CFAP58: variants seen among roughly 807,000 people sequenced by gnomAD.
CFAP58 encodes the protein cilia and flagella associated protein 58.
In CFAP58, 88 loss-of-function variants were observed where a neutral mutation model predicts 119.5. The observed-to-expected ratio is 0.74, with a 90% CI of 0.62 to 0.88. The LOEUF (loss-of-function observed/expected upper bound fraction) is 0.88, where lower values mean the gene tolerates loss of function less well. CFAP58 is among the 40% of genes least tolerant of loss of function. The pLI is 0.00. For missense variants in CFAP58, 990 were observed against 1,021.2 expected (o/e 0.97, Z 0.42); for synonymous variants, 365 against 366.3 (o/e 1.00, Z 0.04).
chr10:104,404,749 A>G (rs1339762878), intron 14 of CFAP58, among the ~76,000 whole-genome samples: 1 of 152,160 alleles, frequency 6.6e-6, no homozygotes, highest in Non-Finnish European at 1.5e-5. Flanking sequence ...AGCTGGGACT[A>G]CAGGCGTCCA....
At chr10:104,362,486 G>T (rs2014683335) in intron 3 of CFAP58, among the ~76,000 whole-genome samples, 1 of 152,142 alleles carries the variant, frequency 6.6e-6, no homozygotes, top group Non-Finnish European at 1.5e-5. Context: ...TCTGCCCAGA[G>T]TCCCAGCTTC....
chr10:104,421,586 A>G (rs2012658989), intron 15 of CFAP58, among the ~76,000 whole-genome samples: 1 of 152,230 alleles, frequency 6.6e-6, no homozygotes, highest in Non-Finnish European at 1.5e-5. Flanking sequence ...GTCTCTTGGT[A>G]CAGAAAATTC....
At chr10:104,376,984 C>T in intron 8 of CFAP58, 91 bp downstream of exon 8, 2 of 942,244 alleles carry the variant, frequency 2.1e-6, no homozygotes, top group Non-Finnish European at 1.6e-6. Flanking sequence ...AAAGAAAACT[C>T]CGAGGCAAAC....
intron 11 of CFAP58, among the ~76,000 whole-genome samples, chr10:104,398,380 C>T (rs1265457102): frequency 6.6e-6 from 1 of 152,176 alleles, no homozygotes; most frequent in East Asian, 1.9e-4. Flanking sequence ...AGCTCCATGA[C>T]CTTGGGCAAG....
chr10:104,409,470 C>T (rs2012423648), intron 15 of CFAP58, among the ~76,000 whole-genome samples: 1 of 152,148 alleles, frequency 6.6e-6, no homozygotes, highest in Non-Finnish European at 1.5e-5. Flanking sequence ...TCTCTAAATG[C>T]TCTGGGTTCA....
intron 6 of CFAP58, among the ~76,000 whole-genome samples, 163 bp from the exon 7 acceptor site, chr10:104,370,732 A>G (rs1477078615): frequency 6.6e-6 from 1 of 152,202 alleles, no homozygotes; most frequent in African/African-American, 2.4e-5. Context: ...ACAGTTTTTC[A>G]ATTTCTCTCA....
chr10:104,392,532 G>C (rs529899201), intron 10 of CFAP58, 138 bp downstream of exon 10: 5 of 537,558 alleles, frequency 9.3e-6, no homozygotes, highest in Non-Finnish European at 1.5e-5. Context: ...ATCAATTTAC[G>C]CAAAACTGTC....
At chr10:104,422,311 A>AT (rs2012672694) in intron 15 of CFAP58, among the ~76,000 whole-genome samples, 1 of 152,210 alleles carries the variant, frequency 6.6e-6, no homozygotes, top group Non-Finnish European at 1.5e-5. Flanking sequence ...GCATAGACCC[A>AT]TCCATTCTTA....
intron 8 of CFAP58, among the ~76,000 whole-genome samples, chr10:104,379,589 T>A (rs2011740103): frequency 6.6e-6 from 1 of 152,232 alleles, no homozygotes; most frequent in South Asian, 2.1e-4. Context: ...TCTTCCTTTG[T>A]AATCAAAGCC....
At chr10:104,366,141 C>T in intron 5 of CFAP58, 133 bp downstream of exon 5, 1 of 782,466 alleles carries the variant, frequency 1.3e-6, no homozygotes, top group East Asian at 2.8e-5. Context: ...TGATGTAAAA[C>T]TTAGCACTGC....
chr10:104,366,879 A>AT (rs1037433884), intron 5 of CFAP58, among the ~76,000 whole-genome samples: 12 of 150,918 alleles, frequency 8.0e-5, no homozygotes, highest in Admixed American at 4.0e-4. Context: ...TTTTATTTTT[A>AT]TTTTTTTTGA....
At chr10:104,430,733 TA>T (rs1425939850) in intron 15 of CFAP58, among the ~76,000 whole-genome samples, 1 of 152,166 alleles carries the variant, frequency 6.6e-6, no homozygotes, top group African/African-American at 2.4e-5. Flanking sequence ...TGCTGTCCAC[TA>T]AAAAATAATG....
chr10:104,392,203 AC>A, intron 9 of CFAP58, 29 bp from the exon 10 acceptor site: 1 of 1,532,920 alleles, frequency 6.5e-7, no homozygotes, highest in Non-Finnish European at 8.6e-7. Flanking sequence ...GGGCTATTTA[AC>A]CACATTCATA....
intron 7 of CFAP58, among the ~76,000 whole-genome samples, chr10:104,374,730 A>T (rs1008576005): frequency 3.3e-5 from 5 of 151,864 alleles, no homozygotes; most frequent in Admixed American, 3.3e-4. Flanking sequence ...AATTTTCTAG[A>T]GAGAAATTTG....
intron 1 of CFAP58, 22 bp downstream of exon 1, chr10:104,353,928 G>A: frequency 6.2e-7 from 1 of 1,613,158 alleles, no homozygotes; most frequent in Non-Finnish European, 8.5e-7. Flanking sequence ...GCGCCCCTCT[G>A]TCGCCTTTCC....
chr10:104,345,950 C>G, the CFAP58 span, among the ~76,000 whole-genome samples: 1 of 151,966 alleles, frequency 6.6e-6, no homozygotes, highest in African/African-American at 2.4e-5. Context: ...GCTTGTATTG[C>G]TATAAAGGAA....
the CFAP58 span, among the ~76,000 whole-genome samples, chr10:104,343,390 G>T: frequency 6.6e-6 from 1 of 152,184 alleles, no homozygotes; most frequent in East Asian, 1.9e-4. Flanking sequence ...GCTGGTTAGT[G>T]ACTGAATAAT....
At chr10:104,406,587 G>A in intron 14 of CFAP58, 102 bp from the exon 15 acceptor site, 1 of 881,902 alleles carries the variant, frequency 1.1e-6, no homozygotes, top group Non-Finnish European at 1.8e-6. Context: ...AGGTCTGCAG[G>A]TTTGCAACAG....
upstream of CFAP58, among the ~76,000 whole-genome samples, chr10:104,351,202 C>T (rs1280455063): frequency 2.6e-5 from 4 of 152,202 alleles, no homozygotes; most frequent in African/African-American, 9.7e-5. Context: ...TCTGCCACCT[C>T]TCCAGCAACC....
Sources: gnomAD v4.1 joint callset for allele counts (sites outside exome capture counted in the v4.1 genomes callset) on GRCh38, gnomAD v4.1.1 for gene constraint, MANE v1.5 for transcripts, NCBI Gene and HGNC (gene_info 2026-07-23, HGNC 2026-07-21) for gene names.